Variants in CDH13 observed in about 807,000 individuals in gnomAD.
The protein encoded by CDH13 is cadherin 13.
In CDH13, 24 loss-of-function variants were observed where a neutral mutation model predicts 63.8. The ratio of observed to expected loss-of-function variants is 0.38; its 90% CI spans 0.27 to 0.53. The LOEUF (loss-of-function observed/expected upper bound fraction) is 0.53, where lower values mean the gene tolerates loss of function less well. Among genes scored for constraint, CDH13 ranks in the 20% least tolerant of loss-of-function variants. The pLI, the probability that CDH13 is intolerant of heterozygous loss-of-function variation, is 0.85. For missense variants in CDH13, 1,049 were observed against 903.1 expected, an observed-to-expected ratio of 1.16 and a Z score of -2.07; for synonymous variants, 503 against 355.3, an observed-to-expected ratio of 1.42 and a Z score of -4.67.
chr16:83,178,137 A>G (rs527614109), intron 4 of CDH13, among the ~76,000 whole-genome samples: 98 of 152,256 alleles, frequency 6.4e-4, no homozygotes, highest in Admixed American at 1.4e-3. Flanking sequence ...CTGTTTTATA[A>G]AGTGAAAAAG....
intron 1 of CDH13, among the ~76,000 whole-genome samples, chr16:82,801,515 C>G (rs564059124): frequency 2.6e-5 from 4 of 152,214 alleles, no homozygotes; most frequent in African/African-American, 7.2e-5. Flanking sequence ...AGATTCAGCC[C>G]TTGCTCACAG....
chr16:83,132,920 T>C (rs1196902729), intron 4 of CDH13, among the ~76,000 whole-genome samples: 1 of 152,200 alleles, frequency 6.6e-6, no homozygotes, highest in Non-Finnish European at 1.5e-5. Context: ...CTTTCCTATT[T>C]CCAAGTCTTT....
chr16:82,925,281 C>A (rs560536158), intron 2 of CDH13, among the ~76,000 whole-genome samples: 4 of 152,238 alleles, frequency 2.6e-5, no homozygotes, highest in East Asian at 3.9e-4. Context: ...CTCAGAGCAC[C>A]CCTAGCTGGT....
intron 5 of CDH13, among the ~76,000 whole-genome samples, chr16:83,257,485 G>T (rs1431056523): frequency 6.6e-6 from 1 of 152,082 alleles, no homozygotes; most frequent in Non-Finnish European, 1.5e-5. Context: ...CTGATGGTAG[G>T]TCCATGATGT....
chr16:83,765,019 A>C (rs1258632957), intron 11 of CDH13, among the ~76,000 whole-genome samples: 1 of 152,176 alleles, frequency 6.6e-6, no homozygotes, highest in Non-Finnish European at 1.5e-5. Context: ...AGCACACTCA[A>C]ATGCCATCTC....
intron 1 of CDH13, among the ~76,000 whole-genome samples, chr16:82,809,576 T>C (rs531107747): frequency 1.4e-4 from 22 of 152,286 alleles, no homozygotes; most frequent in African/African-American, 5.1e-4. Context: ...ACAGCCATTA[T>C]ATCTTTCTTT....
intron 10 of CDH13, among the ~76,000 whole-genome samples, chr16:83,687,473 A>T (rs1244786405): frequency 5.9e-5 from 9 of 152,102 alleles, no homozygotes; most frequent in Non-Finnish European, 8.8e-5. Context: ...AAACAACCAG[A>T]TCACGCAAGA....
intron 6 of CDH13, among the ~76,000 whole-genome samples, chr16:83,405,377 G>T (rs1198883734): frequency 6.6e-6 from 1 of 152,162 alleles, no homozygotes; most frequent in African/African-American, 2.4e-5. Context: ...AAAGAAGTTA[G>T]TCTGATACGC....
chr16:82,892,708 C>G (rs1035345326), intron 2 of CDH13, among the ~76,000 whole-genome samples: 1 of 152,118 alleles, frequency 6.6e-6, no homozygotes, highest in Non-Finnish European at 1.5e-5. Context: ...AGAGAAACAA[C>G]TATTTGAAAT....
chr16:82,685,785 G>T (rs189682313), intron 1 of CDH13, among the ~76,000 whole-genome samples: 1 of 152,292 alleles, frequency 6.6e-6, no homozygotes, highest in Admixed American at 6.5e-5. Flanking sequence ...CCCAGGGAGA[G>T]GTTTAACCAA....
chr16:83,566,121 G>A (rs138154036), intron 7 of CDH13, among the ~76,000 whole-genome samples: 1 of 152,148 alleles, frequency 6.6e-6, no homozygotes, highest in African/African-American at 2.4e-5. Context: ...TGAATGGTAT[G>A]TTGGGCTCTA....
intron 13 of CDH13, chr16:83,790,298 C>T (rs901015007): frequency 1.3e-5 from 2 of 152,182 alleles, no homozygotes; most frequent in Non-Finnish European, 2.9e-5. Flanking sequence ...GAAGGATCTG[C>T]ATTTCTTTCT....
At chr16:83,102,415 GGGTGGGTCT>G (rs1486686901) in intron 3 of CDH13, among the ~76,000 whole-genome samples, 1 of 152,204 alleles carries the variant, frequency 6.6e-6, no homozygotes, top group East Asian at 1.9e-4. Flanking sequence ...TCTGAAGTGG[GGGTGGGTCT>G]GGTGTGCTCC....
At chr16:83,084,748 G>A (rs546188305) in intron 3 of CDH13, among the ~76,000 whole-genome samples, 2 of 152,206 alleles carry the variant, frequency 1.3e-5, no homozygotes, top group East Asian at 1.9e-4. Context: ...AATTAGCCAG[G>A]TGTGGTGGCA....
intron 5 of CDH13, among the ~76,000 whole-genome samples, chr16:83,268,829 C>A (rs1314755286): frequency 6.6e-6 from 1 of 152,094 alleles, no homozygotes; most frequent in East Asian, 1.9e-4. Flanking sequence ...CTGAGGACAC[C>A]ACAGAGAGGC....
chr16:83,191,552 T>C (rs2038714582), intron 4 of CDH13, among the ~76,000 whole-genome samples: 1 of 138,400 alleles, frequency 7.2e-6, no homozygotes, highest in Non-Finnish European at 1.5e-5. Context: ...TATATATATA[T>C]ATATACACAC....
intron 1 of CDH13, among the ~76,000 whole-genome samples, chr16:82,627,356 G>GTGTA (rs1907433453): frequency 6.6e-6 from 1 of 151,720 alleles, no homozygotes; most frequent in Admixed American, 6.6e-5. Context: ...GTGTGTGTGT[G>GTGTA]TGTGTGTGTG....
At chr16:83,038,849 G>T (rs1917094440) in intron 3 of CDH13, among the ~76,000 whole-genome samples, 1 of 152,204 alleles carries the variant, frequency 6.6e-6, no homozygotes, top group Non-Finnish European at 1.5e-5. Flanking sequence ...TTCTTTCTGA[G>T]TTAAGAACTT....
intron 2 of CDH13, among the ~76,000 whole-genome samples, chr16:82,966,274 G>C (rs1367642857): frequency 6.6e-6 from 1 of 152,038 alleles, no homozygotes; most frequent in African/African-American, 2.4e-5. Context: ...TCAGCCTCCC[G>C]AGTAGCTGGG....
Sources: gnomAD v4.1 joint callset for allele counts (sites outside exome capture counted in the v4.1 genomes callset) on GRCh38, gnomAD v4.1.1 for gene constraint, MANE v1.5 for transcripts, NCBI Gene and HGNC (gene_info 2026-07-23, HGNC 2026-07-21) for gene names.